IFNG-AS1: variants seen among roughly 807,000 people sequenced by gnomAD.
IFNG-AS1 encodes the protein IFNG antisense RNA 1 (non-protein coding).
At position 67,997,899 on chromosome 12, in the gene IFNG-AS1, G is replaced by A. The variant is rs1879681029; in HGVS notation, n.184+1826G>A. 2.6e-5 allele frequency among the ~76,000 whole-genome samples: 4 copies of A among 151,942 alleles called. No individual in the cohort carries two copies. The South Asian group carries it at 8.3e-4, about 31-fold the overall frequency. ...AAAACCTTGTAAGATAGCAAAAAAT[G>A]TTTAATATCATTCATAACTAGTGAA... On this transcript the variant is annotated intron_variant and non_coding_transcript_variant, in intron 2 of 5. Coordinates refer to ENST00000536914, the Ensembl canonical transcript of IFNG-AS1.
intron 1 of IFNG-AS1, among the ~76,000 whole-genome samples, chr12:67,990,922 A>T (rs1033647621): frequency 1.6e-4 from 25 of 152,184 alleles, no homozygotes; most frequent in Admixed American, 6.5e-5. Flanking sequence ...ACTCTGTTCT[A>T]CACAAGAAAT....
intron 3 of IFNG-AS1, among the ~76,000 whole-genome samples, chr12:68,009,979 C>G (rs1165888676): frequency 6.6e-6 from 1 of 152,188 alleles, no homozygotes; most frequent in Non-Finnish European, 1.5e-5. Context: ...GTTGATATCT[C>G]AAGCTGATAT....
At chr12:68,002,626 C>T (rs1413491811) in intron 2 of IFNG-AS1, among the ~76,000 whole-genome samples, 1 of 152,182 alleles carries the variant, frequency 6.6e-6, no homozygotes, top group Non-Finnish European at 1.5e-5. Flanking sequence ...TAATCTTAGA[C>T]ATAGACCCAA....
At chr12:68,009,075 C>T (rs1179929112) in intron 3 of IFNG-AS1, among the ~76,000 whole-genome samples, 1 of 152,234 alleles carries the variant, frequency 6.6e-6, no homozygotes, top group Non-Finnish European at 1.5e-5. Context: ...TATCTCCCCT[C>T]CTTGTGCCTT....
At chr12:68,013,131 A>G (rs971988645) in intron 3 of IFNG-AS1, among the ~76,000 whole-genome samples, 1 of 152,242 alleles carries the variant, frequency 6.6e-6, no homozygotes, top group East Asian at 1.9e-4. Context: ...CCCGTGAACC[A>G]CTGAATATAT....
chr12:68,010,940 C>T (rs1880011673), intron 3 of IFNG-AS1, among the ~76,000 whole-genome samples: 1 of 152,190 alleles, frequency 6.6e-6, no homozygotes, highest in Non-Finnish European at 1.5e-5. Context: ...TAGTTCCTTA[C>T]TGTGTTCCTA....
chr12:68,000,686 T>TA (rs1217285524), intron 2 of IFNG-AS1, among the ~76,000 whole-genome samples: 1 of 152,076 alleles, frequency 6.6e-6, no homozygotes, highest in Non-Finnish European at 1.5e-5. Flanking sequence ...AAAAAAAAGT[T>TA]AAATACTTTC....
intron 3 of IFNG-AS1, chr12:68,019,855 G>A (rs964440494): frequency 6.6e-6 from 1 of 152,134 alleles, no homozygotes; most frequent in African/African-American, 2.4e-5. Flanking sequence ...TATGTCTTTT[G>A]TTACAGGCTA....
At chr12:68,003,718 T>C (rs558730602) in intron 2 of IFNG-AS1, among the ~76,000 whole-genome samples, 1 of 151,874 alleles carries the variant, frequency 6.6e-6, no homozygotes, top group Non-Finnish European at 1.5e-5. Context: ...ATCGAGACCA[T>C]CTTGGCTAAC....
At chr12:67,994,455 C>T (rs1339948604) in intron 1 of IFNG-AS1, among the ~76,000 whole-genome samples, 1 of 152,202 alleles carries the variant, frequency 6.6e-6, no homozygotes, top group Non-Finnish European at 1.5e-5. Flanking sequence ...CTATTATAAT[C>T]ACAATCCTAC....
At chr12:68,005,016 T>C (rs1241543735) in intron 2 of IFNG-AS1, among the ~76,000 whole-genome samples, 1 of 152,198 alleles carries the variant, frequency 6.6e-6, no homozygotes, top group East Asian at 1.9e-4. Context: ...CTTTCTGAGG[T>C]GACATTTATA....
intron 3 of IFNG-AS1, among the ~76,000 whole-genome samples, chr12:68,009,341 TTTTTG>T (rs1413164361): frequency 2.0e-5 from 3 of 152,002 alleles, no homozygotes; most frequent in East Asian, 3.9e-4. Flanking sequence ...CAGTTTTTTG[TTTTTG>T]TTTTGTTTTG....
chr12:67,994,351 C>T (rs571603535), intron 1 of IFNG-AS1, among the ~76,000 whole-genome samples: 9 of 152,286 alleles, frequency 5.9e-5, no homozygotes, highest in South Asian at 4.1e-4. Context: ...TATCCGTCAA[C>T]GCATCGTTAC....
At chr12:67,998,075 G>T (rs1879683649) in intron 2 of IFNG-AS1, among the ~76,000 whole-genome samples, 1 of 151,958 alleles carries the variant, frequency 6.6e-6, no homozygotes, top group Non-Finnish European at 1.5e-5. Flanking sequence ...AGGGAAATTT[G>T]GTAATGCCTA....
intron 2 of IFNG-AS1, among the ~76,000 whole-genome samples, chr12:67,999,606 G>C (rs1015610795): frequency 6.6e-6 from 1 of 152,210 alleles, no homozygotes; most frequent in South Asian, 2.1e-4. Context: ...AATAAAATAA[G>C]TATTCATGAC....
intron 2 of IFNG-AS1, among the ~76,000 whole-genome samples, chr12:68,005,839 T>C (rs538887291): frequency 3.3e-4 from 50 of 152,364 alleles, no homozygotes; most frequent in Non-Finnish European, 6.2e-4. Flanking sequence ...TACCTTTGTT[T>C]CTCATATTTA....
chr12:68,019,310 C>T lies in IFNG-AS1; in HGVS notation n.242-552C>T, dbSNP rs149842412. The stretch of plus-strand genomic sequence containing the variant: ...ATGCCAGGCTCTGTTCTAAGTGCCT[C>T]GCATGTATCAACTTATTGAAGATAC... On this transcript the variant is annotated intron_variant and non_coding_transcript_variant, in intron 3 of 5. Transcript: ENST00000536914. 6.2e-3 allele frequency among the ~76,000 whole-genome samples: 937 copies of T among 152,244 alleles called. 10 individuals are homozygous for T. Among genetic ancestry groups the T allele is most frequent in the Admixed American group, 0.029 (436 of 15,294 alleles).
chr12:68,003,019 C>A (rs777228430), intron 2 of IFNG-AS1, among the ~76,000 whole-genome samples: 16 of 152,072 alleles, frequency 1.1e-4, no homozygotes, highest in Non-Finnish European at 2.1e-4. Flanking sequence ...TAGTATGTTG[C>A]TTTACACTTC....
At chr12:68,018,659 C>G (rs1880210971) in intron 3 of IFNG-AS1, among the ~76,000 whole-genome samples, 1 of 152,110 alleles carries the variant, frequency 6.6e-6, no homozygotes, top group South Asian at 2.1e-4. Context: ...ACAAAACCTT[C>G]CTTCACCCCT....
Sources: allele counts gnomAD v4.1 joint callset (sites outside exome capture counted in the v4.1 genomes callset), GRCh38; gene constraint gnomAD v4.1.1; transcripts MANE v1.5; gene names NCBI Gene and HGNC (gene_info 2026-07-23, HGNC 2026-07-21).